LRRTM4: variants seen among roughly 807,000 people sequenced by gnomAD.
LRRTM4 encodes the protein leucine-rich repeat transmembrane neuronal protein 4.
Under a neutral mutation model 47.6 loss-of-function variants are expected in LRRTM4, and 25 were observed. The ratio of observed to expected loss-of-function variants is 0.53; its 90% confidence interval spans 0.38 to 0.73. The LOEUF is 0.73. Among genes scored for constraint, LRRTM4 ranks in the 30% least tolerant of loss-of-function variants. The pLI is 0.00. For missense variants in LRRTM4, 638 were observed against 713.4 expected (o/e 0.89, Z 1.20); for synonymous variants, 311 against 269.5 (o/e 1.15, Z -1.51).
Position 77,506,741 on chromosome 2 carries a change from A to C in LRRTM4, c.1551+11577T>G, listed in dbSNP as rs1453391403. Among the ~76,000 whole-genome samples, 4 of 151,932 alleles carry C rather than the reference A, an allele frequency of 2.6e-5. No individual in the cohort carries two copies. The East Asian group carries it at 5.8e-4, about 22-fold the overall frequency. On this transcript the variant is annotated intron_variant, in intron 3 of 3. Transcript: ENST00000409884. ...TGGCCACTTATTCTCTTTTGTAGGA[A>C]TCTATCAACATGATGAGGTAATTTA...
At chr2:77,456,417 G>A (rs1281779698) in intron 3 of LRRTM4, among the ~76,000 whole-genome samples, 1 of 151,920 alleles carries the variant, frequency 6.6e-6, no homozygotes, top group Non-Finnish European at 1.5e-5. Flanking sequence ...AACTAAAGTA[G>A]GCTAACTGTC....
At chr2:77,121,511 G>A (rs768978205) in intron 3 of LRRTM4, among the ~76,000 whole-genome samples, 1 of 151,716 alleles carries the variant, frequency 6.6e-6, no homozygotes, top group Non-Finnish European at 1.5e-5. Context: ...ATACCACAAA[G>A]TTTGAATTTA....
chr2:77,378,229 G>A (rs1672911273), intron 3 of LRRTM4, among the ~76,000 whole-genome samples: 1 of 151,694 alleles, frequency 6.6e-6, no homozygotes, highest in African/African-American at 2.4e-5. Flanking sequence ...AAATTCTGGG[G>A]TACGAATTAG....
intron 3 of LRRTM4, among the ~76,000 whole-genome samples, chr2:77,186,910 A>T (rs1001292305): frequency 2.0e-5 from 3 of 152,148 alleles, no homozygotes; most frequent in Non-Finnish European, 4.4e-5. Flanking sequence ...AATAATTTAC[A>T]TTTTGGTGAA....
intron 3 of LRRTM4, among the ~76,000 whole-genome samples, chr2:77,053,525 G>C (rs751689034): frequency 6.6e-6 from 1 of 152,124 alleles, no homozygotes; most frequent in South Asian, 2.1e-4. Context: ...AGTTTGCTTT[G>C]TGTTTTCTGA....
chr2:77,185,149 T>C (rs548696346), intron 3 of LRRTM4, among the ~76,000 whole-genome samples: 17 of 152,272 alleles, frequency 1.1e-4, no homozygotes, highest in Middle Eastern at 3.4e-3. Context: ...TAGTAATCTT[T>C]GGAGAAGAAA....
At chr2:77,030,418 G>A (rs1194354073) in intron 3 of LRRTM4, among the ~76,000 whole-genome samples, 1 of 152,150 alleles carries the variant, frequency 6.6e-6, no homozygotes, top group Non-Finnish European at 1.5e-5. Context: ...GGGTTACAGA[G>A]CGAGGCTCCA....
intron 3 of LRRTM4, among the ~76,000 whole-genome samples, chr2:76,946,313 G>T (rs1218450943): frequency 1.3e-5 from 2 of 151,870 alleles, no homozygotes; most frequent in Non-Finnish European, 2.9e-5. Flanking sequence ...GTGTATACGT[G>T]TGTAGAGGAA....
chr2:76,954,216 T>C (rs1397457207), intron 3 of LRRTM4, among the ~76,000 whole-genome samples: 1 of 151,696 alleles, frequency 6.6e-6, no homozygotes, highest in Non-Finnish European at 1.5e-5. Context: ...ACAAAATAAA[T>C]TTTTAGAAAC....
intron 3 of LRRTM4, among the ~76,000 whole-genome samples, chr2:76,936,088 G>A (rs991578742): frequency 2.0e-5 from 3 of 152,114 alleles, no homozygotes; most frequent in Non-Finnish European, 4.4e-5. Flanking sequence ...CCCATACTGG[G>A]TATATACCCA....
At chr2:76,914,289 A>T (rs1674170466) in intron 3 of LRRTM4, among the ~76,000 whole-genome samples, 1 of 152,024 alleles carries the variant, frequency 6.6e-6, no homozygotes, top group South Asian at 2.1e-4. Context: ...TGGCTATGTC[A>T]TTTTTAAATT....
At chr2:77,251,464 T>A (rs990443930) in intron 3 of LRRTM4, among the ~76,000 whole-genome samples, 7 of 151,890 alleles carry the variant, frequency 4.6e-5, no homozygotes, top group Admixed American at 3.9e-4. Context: ...CTAAGTAATA[T>A]GTGTACTTGA....
intron 3 of LRRTM4, among the ~76,000 whole-genome samples, chr2:76,804,084 C>T (rs1189121008): frequency 1.3e-5 from 2 of 152,088 alleles, no homozygotes; most frequent in African/African-American, 4.8e-5. Context: ...ACTCCGAGTG[C>T]TGTTTTTCTT....
intron 3 of LRRTM4, among the ~76,000 whole-genome samples, chr2:76,899,868 C>T (rs932592116): frequency 6.6e-6 from 1 of 152,142 alleles, no homozygotes; most frequent in Non-Finnish European, 1.5e-5. Context: ...CCTCAAGGCA[C>T]ACAACATTGC....
intron 3 of LRRTM4, among the ~76,000 whole-genome samples, chr2:77,281,842 G>GT (rs1349825914): frequency 6.6e-6 from 1 of 151,838 alleles, no homozygotes; most frequent in Non-Finnish European, 1.5e-5. Context: ...GTTTGACCAT[G>GT]TAGACTATGT....
chr2:77,423,789 T>G (rs532708986), intron 3 of LRRTM4, among the ~76,000 whole-genome samples: 1 of 152,284 alleles, frequency 6.6e-6, no homozygotes, highest in Admixed American at 6.5e-5. Context: ...TTTCATTTTC[T>G]AATCTGCATA....
intron 3 of LRRTM4, among the ~76,000 whole-genome samples, chr2:77,407,893 T>A (rs1476250861): frequency 6.6e-6 from 1 of 151,224 alleles, no homozygotes; most frequent in Non-Finnish European, 1.5e-5. Flanking sequence ...TGAGTGTAGC[T>A]TTTGAAGAAA....
chr2:76,777,300 G>C (rs866365680), intron 3 of LRRTM4, among the ~76,000 whole-genome samples: 5 of 143,256 alleles, frequency 3.5e-5, no homozygotes, highest in Admixed American at 1.4e-4. Context: ...GTGAAGAAAG[G>C]CATTGGTAGC....
intron 3 of LRRTM4, among the ~76,000 whole-genome samples, chr2:77,054,460 T>G (rs1294221224): frequency 2.0e-5 from 3 of 152,226 alleles, no homozygotes; most frequent in Non-Finnish European, 4.4e-5. Flanking sequence ...TATGCACTTA[T>G]TTGCCTCACT....
Sources: allele counts gnomAD v4.1 joint callset (sites outside exome capture counted in the v4.1 genomes callset), GRCh38; gene constraint gnomAD v4.1.1; transcripts MANE v1.5; gene names NCBI Gene and HGNC (gene_info 2026-07-23, HGNC 2026-07-21).